The following CELSR1 variants were observed in gnomAD, a reference collection of about 807,000 sequenced individuals.
CELSR1 encodes the protein adhesion G protein-coupled receptor C1.
Under a neutral mutation model 249.1 loss-of-function variants are expected in CELSR1, and 110 were observed. That is an observed-to-expected ratio of 0.44 (90% CI 0.38 to 0.52). CELSR1 has a LOEUF of 0.52. Among genes scored for constraint, CELSR1 ranks in the 20% least tolerant of loss-of-function variants. The pLI is 0.00. For missense variants in CELSR1, 4,109 were observed against 4,296.4 expected, an observed-to-expected ratio of 0.96 and a Z score of 1.22; for synonymous variants, 2,113 against 1,900.0, an observed-to-expected ratio of 1.11 and a Z score of -2.92.
rs1259584400 is a variant in CELSR1, at chr22:46,389,449, C to T, written c.6396G>A (p.Leu2132=). ...NETQVDGARA[L]QLVRALRSAT... ...CACTGCGCAGCGCCCTCACCAGCTG[C>T]AGGGCCCTGGCGCCGTCCACCTGCG... The change falls in exon 18 of 35, where the codon CTG becomes CTA. Residue 2132 remains leucine (L), a synonymous_variant. Transcript: ENST00000674500. The T allele has an allele frequency of 5.0e-6, 8 of 1,613,030 alleles. No individual in the cohort carries two copies. The highest frequency in any genetic ancestry group is 6.8e-6 in the Non-Finnish European group (8 of 1,180,034).
chr22:46,392,041 C>T (rs975598874), intron 14 of CELSR1, among the ~76,000 whole-genome samples: 3 of 152,248 alleles, frequency 2.0e-5, no homozygotes, highest in African/African-American at 7.2e-5. Context: ...CCGGGAAGCA[C>T]GCCCTCCCTC....
intron 19 of CELSR1, 58 bp downstream of exon 19, chr22:46,386,344 T>C: frequency 6.9e-7 from 1 of 1,446,126 alleles, no homozygotes; most frequent in Non-Finnish European, 9.1e-7. Flanking sequence ...GGGGCCTAGC[T>C]CTGGGGCACA....
chr22:46,463,478 T>C (rs572908732), intron 2 of CELSR1, among the ~76,000 whole-genome samples: 23 of 150,614 alleles, frequency 1.5e-4, no homozygotes, highest in Admixed American at 3.3e-4. Context: ...ATTACGCCAC[T>C]GCACTCAAGC....
intron 1 of CELSR1, among the ~76,000 whole-genome samples, chr22:46,529,266 A>C (rs1416483895): frequency 4.8e-5 from 7 of 146,326 alleles, no homozygotes; most frequent in Non-Finnish European, 6.1e-5. Context: ...ACTCCATTTC[A>C]AAAAAAAAAA....
intron 2 of CELSR1, among the ~76,000 whole-genome samples, chr22:46,450,007 C>T (rs182246048): frequency 8.0e-4 from 122 of 152,352 alleles, no homozygotes; most frequent in Admixed American, 3.9e-3. Context: ...CACAGGGGTT[C>T]CCACCGCAGG....
chr22:46,411,785 T>G lies in CELSR1; in HGVS notation c.4612-26A>C, dbSNP rs2079339494. The G allele has an allele frequency of 6.2e-7, 1 of 1,613,034 alleles. No homozygotes were observed. Among genetic ancestry groups the G allele is most frequent in the African/African-American group, 1.3e-5 (1 of 75,068 alleles). Reference sequence around the variant, plus strand: ...CTGTAAGAAGAGAAAGCACAGAAGGTGTCAGCGTTTTCTCCACCAGTGCCC... The same window carrying G: ...CTGTAAGAAGAGAAAGCACAGAAGGGGTCAGCGTTTTCTCCACCAGTGCCC... On this transcript the variant is annotated intron_variant, in intron 5 of 34. Coordinates refer to ENST00000674500, the MANE Select transcript of CELSR1 (RefSeq NM_001378328.1). The surrounding 1 kb of genome is among the most constrained non-coding windows in gnomAD (Gnocchi z 4.2).
At chr22:46,444,712 T>G (rs1307009015) in intron 2 of CELSR1, among the ~76,000 whole-genome samples, 5 of 152,150 alleles carry the variant, frequency 3.3e-5, no homozygotes, top group Non-Finnish European at 5.9e-5. Flanking sequence ...CAACAGAAAT[T>G]CATTGTCTCA....
chr22:46,489,313 C>T (rs115464794), intron 1 of CELSR1, among the ~76,000 whole-genome samples: 316 of 151,934 alleles, frequency 2.1e-3, no homozygotes, highest in African/African-American at 7.2e-3. Context: ...TGCTCTCTGA[C>T]GAGGGCACTT....
intron 1 of CELSR1, among the ~76,000 whole-genome samples, chr22:46,524,089 G>T (rs1210216473): frequency 1.3e-5 from 2 of 152,222 alleles, no homozygotes; most frequent in Non-Finnish European, 2.9e-5. Flanking sequence ...AGACAGAGGG[G>T]ACCGAAGATG....
At chr22:46,450,451 T>G (rs1001798841) in intron 2 of CELSR1, among the ~76,000 whole-genome samples, 1 of 152,160 alleles carries the variant, frequency 6.6e-6, no homozygotes, top group Non-Finnish European at 1.5e-5. Flanking sequence ...CACAGCAACC[T>G]CCTCCAGAGG....
Position 46,381,944 on chromosome 22 carries a change from A to G in CELSR1, c.6990T>C (p.Pro2330=), listed in dbSNP as rs199850613. 2 of 1,566,580 alleles carry G rather than the reference A, an allele frequency of 1.3e-6. No homozygotes were observed. Among genetic ancestry groups the G allele is most frequent in the African/African-American group, 2.7e-5 (2 of 73,850 alleles). ...EAPISRRRRH[P]DDAGQFAVAL... ...CGACGGCGAACTGGCCAGCGTCATC[A>G]GGGTGTCGCCTCCGCCTGCTGATCG... The change falls in exon 21 of 35, where the codon CCT becomes CCC. Residue 2330 remains proline, a synonymous_variant. Coordinates refer to ENST00000674500, the MANE Select transcript of CELSR1 (RefSeq NM_001378328.1). The surrounding 1 kb of genome is among the most constrained non-coding windows in gnomAD (Gnocchi z 6.0).
intron 1 of CELSR1, among the ~76,000 whole-genome samples, chr22:46,508,239 C>T (rs957815938): frequency 6.6e-6 from 1 of 151,918 alleles, no homozygotes; most frequent in African/African-American, 2.4e-5. Flanking sequence ...AGATCCTGGG[C>T]GCCAACTGGC....
chr22:46,511,177 C>T (rs542307586), intron 1 of CELSR1, among the ~76,000 whole-genome samples: 2 of 152,010 alleles, frequency 1.3e-5, no homozygotes, highest in Non-Finnish European at 2.9e-5. Flanking sequence ...CATTATAGAC[C>T]CTTGGCAGTT....
chr22:46,387,304 T>C (rs6008792), intron 18 of CELSR1, among the ~76,000 whole-genome samples: 9,514 of 152,322 alleles, frequency 0.062, 344 homozygotes, highest in African/African-American at 0.076. Flanking sequence ...GGGAATTTCA[T>C]GGTCTAAGTT....
At chr22:46,521,689 C>G (rs112284767) in intron 1 of CELSR1, among the ~76,000 whole-genome samples, 6 of 151,714 alleles carry the variant, frequency 4.0e-5, no homozygotes, top group African/African-American at 1.5e-4. Context: ...TGGTGGCACA[C>G]GCCTATAATC....
chr22:46,427,580 T>C lies in CELSR1; in HGVS notation c.4611+5813A>G, dbSNP rs1380833170. Among the ~76,000 whole-genome samples, 2 of 152,264 alleles carry C rather than the reference T, an allele frequency of 1.3e-5. No homozygotes were observed. The highest frequency in any genetic ancestry group is 6.8e-3 in the Middle Eastern group (2 of 294). ...CCCTACAACTATGGCTTTTAAAATC[T>C]AGTAACAAGATCCTGGGAGCTCCTC... is the stretch of plus-strand genomic sequence containing the variant. On this transcript the variant is annotated intron_variant, in intron 5 of 34. Transcript: ENST00000674500. This position sits in a 1 kb window ranked among gnomAD's most constrained non-coding sequence, Gnocchi z 4.2.
Position 46,399,652 on chromosome 22 carries a change from C to T in CELSR1, c.5412+65G>A, listed in dbSNP as rs2079189281. 6 of 1,527,290 alleles carry T rather than the reference C, an allele frequency of 3.9e-6. No individual in the cohort carries two copies. In the South Asian group the frequency reaches 5.8e-5, roughly 15 times the overall value. 94.6% of individuals were successfully genotyped at this position (1,527,290 alleles called of 1,614,324 possible). On this transcript the variant is annotated intron_variant, in intron 10 of 34. Coordinates refer to ENST00000674500, the MANE Select transcript of CELSR1 (RefSeq NM_001378328.1). This position sits in a 1 kb window ranked among gnomAD's most constrained non-coding sequence, Gnocchi z 5.0. ...GGTGGGTCCTGGCACGTCAAGGGGT[C>T]ATTCTGTTTTTCCCTGGGCCGGAGG...
intron 24 of CELSR1, among the ~76,000 whole-genome samples, chr22:46,373,703 T>A (rs182508467): frequency 0.026 from 570 of 21,980 alleles, 3 homozygotes; most frequent in African/African-American, 0.078. Flanking sequence ...AAGGGGGAGA[T>A]GGGGGAGATG....
intron 2 of CELSR1, among the ~76,000 whole-genome samples, chr22:46,453,650 G>A (rs930428283): frequency 1.3e-5 from 2 of 152,178 alleles, no homozygotes; most frequent in East Asian, 1.9e-4. Flanking sequence ...AGTGCTGACC[G>A]GAAGCGGGTG....
Sources: allele counts gnomAD v4.1 joint callset (sites outside exome capture counted in the v4.1 genomes callset), GRCh38; gene constraint gnomAD v4.1.1; non-coding constraint Gnocchi (gnomAD v3.1); transcripts MANE v1.5; gene names NCBI Gene and HGNC (gene_info 2026-07-23, HGNC 2026-07-21).